The following RAMP1 variants were observed in gnomAD, a reference collection of about 807,000 sequenced individuals.
The protein encoded by RAMP1 is receptor activity-modifying protein 1.
In RAMP1, 7 loss-of-function variants were observed where a neutral mutation model predicts 8.2. That is an observed-to-expected ratio of 0.85 (90% confidence interval 0.49 to 1.60). The LOEUF is 1.60. Ranked by LOEUF, RAMP1 falls within the 40% of genes most tolerant of loss-of-function variation. The pLI is 0.00. For missense variants in RAMP1, 192 were observed against 202.4 expected, an observed-to-expected ratio of 0.95 and a Z score of 0.31; for synonymous variants, 92 against 84.7, an observed-to-expected ratio of 1.09 and a Z score of -0.47.
At chr2:237,889,282 A>G (rs1411381706) in intron 2 of RAMP1, among the ~76,000 whole-genome samples, 2 of 152,166 alleles carry the variant, frequency 1.3e-5, no homozygotes, top group African/African-American at 4.8e-5. Flanking sequence ...CAATTGTGAG[A>G]GTCATATGCC....
chr2:237,899,738 T>G (rs2062579549), intron 2 of RAMP1, among the ~76,000 whole-genome samples: 1 of 152,206 alleles, frequency 6.6e-6, no homozygotes, highest in Non-Finnish European at 1.5e-5. Context: ...CAGGGTTTGT[T>G]AACTTTTTTA....
At chr2:237,882,818 G>T (rs1342103145) in intron 2 of RAMP1, among the ~76,000 whole-genome samples, 1 of 152,182 alleles carries the variant, frequency 6.6e-6, no homozygotes, top group African/African-American at 2.4e-5. Flanking sequence ...CTGCCTGCAG[G>T]CAGGCCATCA....
chr2:237,859,026 G>A (rs891539492), upstream of RAMP1: 22 of 152,616 alleles, frequency 1.4e-4, no homozygotes, highest in African/African-American at 5.1e-4. Flanking sequence ...CCCCCAAAGA[G>A]CCCTGTTCCT....
At chr2:237,880,788 CCTTTA>C (rs1013309137) in intron 2 of RAMP1, among the ~76,000 whole-genome samples, 5 of 152,274 alleles carry the variant, frequency 3.3e-5, no homozygotes, top group South Asian at 2.1e-4. Context: ...AGGATTATCC[CCTTTA>C]CTTAAAGACA....
At chr2:237,889,795 T>C (rs1180011342) in intron 2 of RAMP1, among the ~76,000 whole-genome samples, 1 of 152,112 alleles carries the variant, frequency 6.6e-6, no homozygotes, top group Non-Finnish European at 1.5e-5. Context: ...ACCCAGCTAA[T>C]TTTTATTTTT....
chr2:237,876,888 C>T (rs1473593265), intron 1 of RAMP1, among the ~76,000 whole-genome samples: 1 of 152,162 alleles, frequency 6.6e-6, no homozygotes, highest in Non-Finnish European at 1.5e-5. Context: ...CCCAGGTACC[C>T]GTGGAACAGG....
In RAMP1 at chr2:237,894,607, C is replaced by G. The variant is rs542233324; in HGVS notation, c.192-16921C>G. ...TGGACCTGGCTAGGGGGTGAGACCC[C>G]CCTGCCACCCCTCCATCCCAGAAGC... On this transcript the variant is annotated intron_variant, in intron 2 of 2. Transcript: ENST00000254661. Among the ~76,000 whole-genome samples, 13 of 152,316 alleles carry G rather than the reference C, an allele frequency of 8.5e-5. No individual in the cohort carries two copies. The East Asian group carries it at 2.5e-3, about 30-fold the overall frequency.
Position 237,877,165 on chromosome 2 carries a change from G to A in RAMP1, c.53-59G>A, listed in dbSNP as rs777181015. ...GGCTGCAGGGGCGCGCGGGCTGGCG[G>A]TGATACCCCTAGGCCTCTGCTGCCG... On this transcript the variant is annotated intron_variant, in intron 1 of 2. Coordinates refer to ENST00000254661, the MANE Select transcript of RAMP1 (RefSeq NM_005855.4). This position sits in a 1 kb window ranked among gnomAD's most constrained non-coding sequence, Gnocchi z 4.4. 1.2e-4 allele frequency: 201 copies of A among 1,609,098 alleles called. 1 individual carries two copies. Among genetic ancestry groups the A allele is most frequent in the Admixed American group, 1.2e-3 (70 of 59,948 alleles).
In RAMP1 at chr2:237,890,723, T is replaced by C. The variant is rs1355375239; in HGVS notation, c.191+13361T>C. ...TCTCAGTTAACTGAAACATGCTGCATAGTATTCCTTTACGTGTTTAATATC... is the reference window on the plus strand; with the variant it reads ...TCTCAGTTAACTGAAACATGCTGCACAGTATTCCTTTACGTGTTTAATATC... On this transcript the variant is annotated intron_variant, in intron 2 of 2. Coordinates refer to ENST00000254661, the MANE Select transcript of RAMP1 (RefSeq NM_005855.4). Among the ~76,000 whole-genome samples, 3 of 152,354 alleles carry C rather than the reference T, an allele frequency of 2.0e-5. No homozygotes were observed. In the East Asian group the frequency reaches 5.8e-4, roughly 29 times the overall value.
chr2:237,868,278 C>T (rs557070890), intron 1 of RAMP1, among the ~76,000 whole-genome samples: 168 of 152,022 alleles, frequency 1.1e-3, no homozygotes, highest in African/African-American at 3.5e-3. Context: ...TCCTGGCCTT[C>T]GGTGATCCAC....
At chr2:237,896,361 CCT>C (rs2062542213) in intron 2 of RAMP1, among the ~76,000 whole-genome samples, 1 of 152,168 alleles carries the variant, frequency 6.6e-6, no homozygotes. Flanking sequence ...GATTTAGAAA[CCT>C]CTCGCTTCTC....
chr2:237,900,796 T>G (rs1239572812), intron 2 of RAMP1, among the ~76,000 whole-genome samples: 1 of 152,184 alleles, frequency 6.6e-6, no homozygotes. Flanking sequence ...AATTTTTAGT[T>G]TTCAGTATTG....
rs142353121 is a variant in RAMP1 at position 237,911,893 on chromosome 2, C to G, written c.*110C>G. ...GGACAGAGCAGGCCCACAATGCCCC[C>G]CTTCTTCCAGCCAAGAAGAGCTCAC... On this transcript the variant is annotated 3_prime_UTR_variant, in exon 3 of 3. Transcript: ENST00000254661. The G allele has an allele frequency of 2.2e-3, 3,118 of 1,421,124 alleles. 61 individuals carry two copies. The African/African-American group carries it at 0.037, about 17-fold the overall frequency. 88.0% of individuals were successfully genotyped at this position (1,421,124 alleles called of 1,614,324 possible).
intron 2 of RAMP1, among the ~76,000 whole-genome samples, chr2:237,883,963 G>A (rs1369154260): frequency 5.3e-5 from 7 of 130,844 alleles, no homozygotes; most frequent in South Asian, 4.7e-4. Flanking sequence ...TAGCCACTGC[G>A]CTTGCCCTGG....
At chr2:237,893,189 G>T (rs1212395211) in intron 2 of RAMP1, among the ~76,000 whole-genome samples, 1 of 152,244 alleles carries the variant, frequency 6.6e-6, no homozygotes, top group Non-Finnish European at 1.5e-5. Context: ...TGAAGTTCCT[G>T]TAGCTGTTGT....
intron 1 of RAMP1, among the ~76,000 whole-genome samples, chr2:237,861,124 C>T (rs186612338): frequency 6.6e-6 from 1 of 152,192 alleles, no homozygotes; most frequent in African/African-American, 2.4e-5. Context: ...AATAAATAAA[C>T]GTTCTTTACT....
intron 2 of RAMP1, among the ~76,000 whole-genome samples, chr2:237,882,540 C>T (rs1185297113): frequency 6.6e-6 from 1 of 152,154 alleles, no homozygotes; most frequent in African/African-American, 2.4e-5. Context: ...TGGAGGGATG[C>T]CCTGCCTCCA....
At chr2:237,904,188 C>T (rs1050455679) in intron 2 of RAMP1, among the ~76,000 whole-genome samples, 5 of 150,308 alleles carry the variant, frequency 3.3e-5, no homozygotes, top group African/African-American at 7.4e-5. Flanking sequence ...CTGAGGCGGG[C>T]GGATCACGAG....
At position 237,907,095 on chromosome 2, in the gene RAMP1, G is replaced by A. The variant is rs765916587; in HGVS notation, c.192-4433G>A. On this transcript the variant is annotated intron_variant, in intron 2 of 2. Transcript: ENST00000254661. ...GCTGACAAATGTGTTTCCCCTCCCCGCAACCTCTAATACTTTCAAGATGTT... is the reference window on the plus strand; with the variant it reads ...GCTGACAAATGTGTTTCCCCTCCCCACAACCTCTAATACTTTCAAGATGTT... 1.7e-4 allele frequency among the ~76,000 whole-genome samples: 26 copies of A among 152,130 alleles called. No homozygotes were observed. The Middle Eastern group carries it at 0.014, about 80-fold the overall frequency.
Sources: gnomAD v4.1 joint callset for allele counts (sites outside exome capture counted in the v4.1 genomes callset) on GRCh38, gnomAD v4.1.1 for gene constraint, Gnocchi (gnomAD v3.1) non-coding constraint, MANE v1.5 for transcripts, NCBI Gene and HGNC (gene_info 2026-07-23, HGNC 2026-07-21) for gene names.